CDH18: variants seen among roughly 807,000 people sequenced by gnomAD.
CDH18 encodes the protein cadherin-18.
CDH18 carries 31 observed loss-of-function variants against 67.9 expected under a neutral mutation model. The observed-to-expected ratio is 0.46, with a 90% CI of 0.34 to 0.62. The LOEUF (loss-of-function observed/expected upper bound fraction) is 0.62. CDH18 is among the 20% of genes least tolerant of loss of function. The probability of loss-of-function intolerance (pLI) is 0.01; values close to 1 mark genes in which losing one functional copy is unlikely to be tolerated. For synonymous variants in CDH18, 362 were observed against 347.2 expected (o/e 1.04, Z -0.48); for missense variants, 890 against 975.5 (o/e 0.91, Z 1.17).
At chr5:19,681,630 A>G (rs1438437572) in intron 5 of CDH18, among the ~76,000 whole-genome samples, 1 of 152,038 alleles carries the variant, frequency 6.6e-6, no homozygotes, top group East Asian at 1.9e-4. Flanking sequence ...AACAAATGTA[A>G]GAACCAAAAT....
chr5:19,545,821 A>T (rs1215761184), intron 8 of CDH18, among the ~76,000 whole-genome samples: 2 of 152,234 alleles, frequency 1.3e-5, no homozygotes, highest in Non-Finnish European at 2.9e-5. Context: ...TATGGAATTC[A>T]ATTGTCCTTT....
intron 2 of CDH18, among the ~76,000 whole-genome samples, chr5:19,851,583 A>G (rs1375119510): frequency 4.0e-5 from 6 of 151,768 alleles, no homozygotes; most frequent in Non-Finnish European, 5.9e-5. Context: ...ATCATTCTTT[A>G]CACTGAGTCA....
intron 1 of CDH18, among the ~76,000 whole-genome samples, chr5:20,262,122 G>A (rs1744703546): frequency 6.6e-6 from 1 of 152,208 alleles, no homozygotes; most frequent in Admixed American, 6.5e-5. Flanking sequence ...GATACAAGGT[G>A]CTGCTTGTTA....
chr5:20,259,753 G>A (rs1744505319), intron 1 of CDH18, among the ~76,000 whole-genome samples: 1 of 152,136 alleles, frequency 6.6e-6, no homozygotes, highest in African/African-American at 2.4e-5. Flanking sequence ...CAGAGGATTA[G>A]TCCCCCTAGC....
At chr5:19,599,940 G>T (rs939241099) in intron 6 of CDH18, among the ~76,000 whole-genome samples, 1 of 151,894 alleles carries the variant, frequency 6.6e-6, no homozygotes, top group Non-Finnish European at 1.5e-5. Context: ...TCAATAGAAA[G>T]AAATCCAATT....
intron 1 of CDH18, among the ~76,000 whole-genome samples, chr5:20,317,501 T>C (rs974031139): frequency 1.3e-5 from 2 of 152,136 alleles, no homozygotes; most frequent in Non-Finnish European, 2.9e-5. Flanking sequence ...ATGTTATACT[T>C]TCAGTAGTAC....
intron 1 of CDH18, among the ~76,000 whole-genome samples, chr5:20,560,866 T>A (rs1758168588): frequency 6.6e-6 from 1 of 151,954 alleles, no homozygotes. Flanking sequence ...TCAAAAGACA[T>A]ATTTCAAAAA....
chr5:20,261,241 C>T (rs3925417), intron 1 of CDH18, among the ~76,000 whole-genome samples: 61,760 of 151,770 alleles, frequency 0.41, 12,605 homozygotes, highest in South Asian at 0.47. Context: ...AAATATTATG[C>T]CATATATTCT....
intron 2 of CDH18, among the ~76,000 whole-genome samples, chr5:19,998,747 G>C (rs752279986): frequency 6.6e-6 from 1 of 152,032 alleles, no homozygotes; most frequent in Non-Finnish European, 1.5e-5. Context: ...CAAAAAATAC[G>C]AGTTTAGGGT....
At chr5:20,504,494 GA>G (rs1315702391) in intron 1 of CDH18, among the ~76,000 whole-genome samples, 4 of 152,060 alleles carry the variant, frequency 2.6e-5, no homozygotes, top group Non-Finnish European at 5.9e-5. Flanking sequence ...AAAGTTTTTA[GA>G]AAGACTCCAT....
chr5:20,025,900 C>G (rs1202866621), intron 2 of CDH18, among the ~76,000 whole-genome samples: 4 of 152,160 alleles, frequency 2.6e-5, no homozygotes, highest in Non-Finnish European at 5.9e-5. Context: ...ATCTCTTGGT[C>G]CATTTTCCTA....
At chr5:19,558,472 A>T (rs556661666) in intron 8 of CDH18, among the ~76,000 whole-genome samples, 157 of 152,242 alleles carry the variant, frequency 1.0e-3, no homozygotes, top group Non-Finnish European at 1.8e-3. Flanking sequence ...AGTAGAACTG[A>T]TACCACAGAC....
chr5:20,252,449 A>G (rs1184268323), intron 2 of CDH18, among the ~76,000 whole-genome samples: 1 of 152,162 alleles, frequency 6.6e-6, no homozygotes, highest in Non-Finnish European at 1.5e-5. Context: ...GACACCTATT[A>G]TAATTAGTTG....
chr5:20,475,252 A>G (rs1448892923), intron 1 of CDH18, among the ~76,000 whole-genome samples: 2 of 152,138 alleles, frequency 1.3e-5, no homozygotes, highest in Non-Finnish European at 2.9e-5. Context: ...TTATTTATGC[A>G]TGATTCATTG....
intron 1 of CDH18, among the ~76,000 whole-genome samples, chr5:20,351,187 T>TGCGCGCGC (rs1316234985): frequency 3.5e-5 from 5 of 144,472 alleles, no homozygotes; most frequent in African/African-American, 1.2e-4. Flanking sequence ...TGTGTGTGTG[T>TGCGCGCGC]GTGTGCGTGT....
chr5:20,488,925 A>G (rs969667062), intron 1 of CDH18, among the ~76,000 whole-genome samples: 1 of 151,972 alleles, frequency 6.6e-6, no homozygotes, highest in African/African-American at 2.4e-5. Context: ...GTGGTGACAA[A>G]CTGCTTTTCA....
chr5:20,291,146 A>AT (rs1747074683), intron 1 of CDH18, among the ~76,000 whole-genome samples: 1 of 152,168 alleles, frequency 6.6e-6, no homozygotes, highest in Non-Finnish European at 1.5e-5. Context: ...GTGAAGATAC[A>AT]TTTAGGTTGG....
chr5:20,480,708 T>C (rs1337263419), intron 1 of CDH18, among the ~76,000 whole-genome samples: 1 of 152,112 alleles, frequency 6.6e-6, no homozygotes, highest in Non-Finnish European at 1.5e-5. Flanking sequence ...GACCAAAGTA[T>C]AGAGTTTTTA....
chr5:19,568,519 G>T (rs1283477748), intron 8 of CDH18, among the ~76,000 whole-genome samples: 1 of 152,150 alleles, frequency 6.6e-6, no homozygotes, highest in African/African-American at 2.4e-5. Context: ...ATAAATTGCA[G>T]TTTTTTATAA....
Sources: gnomAD v4.1 joint callset for allele counts (sites outside exome capture counted in the v4.1 genomes callset) on GRCh38, gnomAD v4.1.1 for gene constraint, MANE v1.5 for transcripts, NCBI Gene and HGNC (gene_info 2026-07-23, HGNC 2026-07-21) for gene names.